Variants in NTRK3 observed in about 807,000 individuals in gnomAD.
NTRK3 encodes the protein NT-3 growth factor receptor.
In NTRK3, 24 loss-of-function variants were observed where a neutral mutation model predicts 91.7. The ratio of observed to expected loss-of-function variants is 0.26; its 90% CI spans 0.19 to 0.37. NTRK3 has a LOEUF of 0.37. NTRK3 is among the 10% of genes least tolerant of loss of function. The probability of loss-of-function intolerance (pLI) is 1.00; values close to 1 mark genes in which losing one functional copy is unlikely to be tolerated. For missense variants in NTRK3, 880 were observed against 1,068.9 expected (o/e 0.82, Z 2.46); for synonymous variants, 483 against 404.0 (o/e 1.20, Z -2.34).
At chr15:88,152,519 A>G (rs980099100) in intron 5 of NTRK3, among the ~76,000 whole-genome samples, 5 of 152,256 alleles carry the variant, frequency 3.3e-5, no homozygotes, top group Non-Finnish European at 5.9e-5. Flanking sequence ...CTACAAGTCA[A>G]GGAGAGAAGC....
chr15:87,926,078 A>G (rs748659526), intron 17 of NTRK3, among the ~76,000 whole-genome samples: 2 of 152,238 alleles, frequency 1.3e-5, no homozygotes, highest in African/African-American at 4.8e-5. Context: ...AGGAAAATGC[A>G]TTCAGGTTAC....
exon 2 of NTRK3, chr15:88,256,378 C>G (rs574469747): frequency 6.4e-6 from 4 of 628,974 alleles, no homozygotes; most frequent in African/African-American, 1.8e-5. Flanking sequence ...GTGGGAGCCG[C>G]GAGGAGCGCC....
At chr15:88,058,820 GGAT>G (rs777878957) in intron 13 of NTRK3, among the ~76,000 whole-genome samples, 21 of 152,244 alleles carry the variant, frequency 1.4e-4, no homozygotes, top group African/African-American at 3.4e-4. Context: ...ATTGCACATG[GGAT>G]GATGATGATG....
At chr15:87,971,708 T>G (rs928719150) in intron 14 of NTRK3, among the ~76,000 whole-genome samples, 2 of 152,120 alleles carry the variant, frequency 1.3e-5, no homozygotes, top group Admixed American at 6.6e-5. Flanking sequence ...CCCGACACGC[T>G]CAAGAACCTA....
rs573858477 is a variant in NTRK3 at position 87,965,132 on chromosome 15, T to C, written c.1586-24379A>G. Reference sequence around the variant, plus strand: ...CGTGGAATGATTTGATTCTGACAAATAAGTACATAAAAAAGATTAGAAGGC... The same window carrying C: ...CGTGGAATGATTTGATTCTGACAAACAAGTACATAAAAAAGATTAGAAGGC... On this transcript the variant is annotated intron_variant, in intron 14 of 18. Transcript: ENST00000394480. Among the ~76,000 whole-genome samples the C allele has an allele frequency of 5.8e-4, 89 of 152,338 alleles. 1 individual carries two copies. The highest frequency in any genetic ancestry group is 6.8e-3 in the Middle Eastern group (2 of 294).
chr15:87,957,071 T>C (rs1190213710), intron 14 of NTRK3, among the ~76,000 whole-genome samples: 3 of 152,158 alleles, frequency 2.0e-5, no homozygotes, highest in Non-Finnish European at 4.4e-5. Context: ...GGAGCCAGAC[T>C]GTCTGGGATC....
intron 16 of NTRK3, chr15:87,931,359 C>T: frequency 2.7e-6 from 1 of 366,692 alleles, no homozygotes; most frequent in Admixed American, 3.7e-5. Context: ...TTAGAAGCTA[C>T]CATGGTTCAC....
At chr15:87,951,050 C>T (rs1442470486) in intron 14 of NTRK3, among the ~76,000 whole-genome samples, 1 of 152,140 alleles carries the variant, frequency 6.6e-6, no homozygotes, top group African/African-American at 2.4e-5. Context: ...TTAAATAGAT[C>T]CAACAGATGG....
At chr15:88,052,203 C>T (rs997093119) in intron 13 of NTRK3, among the ~76,000 whole-genome samples, 10 of 152,122 alleles carry the variant, frequency 6.6e-5, no homozygotes, top group African/African-American at 2.4e-4. Context: ...AAAATAGCTC[C>T]AAGAATAGGA....
intron 13 of NTRK3, among the ~76,000 whole-genome samples, chr15:88,114,258 G>A (rs1226330054): frequency 6.6e-6 from 1 of 151,954 alleles, no homozygotes; most frequent in Non-Finnish European, 1.5e-5. Context: ...TGTTTTTAAG[G>A]TTCAATACAG....
At chr15:87,917,108 A>C (rs939649516) in intron 17 of NTRK3, among the ~76,000 whole-genome samples, 1 of 152,196 alleles carries the variant, frequency 6.6e-6, no homozygotes, top group Admixed American at 6.5e-5. Flanking sequence ...AGTTTTTCTG[A>C]GTCTTATAAT....
intron 3 of NTRK3, among the ~76,000 whole-genome samples, chr15:88,191,615 C>CACACACACGCATGAATGCAT (rs2047399330): frequency 1.3e-5 from 2 of 152,320 alleles, no homozygotes; most frequent in African/African-American, 4.8e-5. Context: ...CATGAATGCA[C>CACACACACGCATGAATGCAT]GTGTGCACAC....
At chr15:88,238,693 A>T (rs1193478258) in intron 3 of NTRK3, among the ~76,000 whole-genome samples, 1 of 152,226 alleles carries the variant, frequency 6.6e-6, no homozygotes, top group Non-Finnish European at 1.5e-5. Context: ...ATGTTTTCAA[A>T]ATATAGCCAT....
intron 14 of NTRK3, among the ~76,000 whole-genome samples, chr15:87,947,609 C>T (rs2142083479): frequency 6.6e-6 from 1 of 152,084 alleles, no homozygotes; most frequent in South Asian, 2.1e-4. Context: ...TTTCCAGGAC[C>T]TCAGGCTCAC....
intron 13 of NTRK3, chr15:88,098,874 G>A (rs540859322): frequency 4.3e-6 from 1 of 232,738 alleles, no homozygotes; most frequent in Admixed American, 5.6e-5. Flanking sequence ...ATACTGTAAT[G>A]TGATATGCTA....
intron 5 of NTRK3, among the ~76,000 whole-genome samples, chr15:88,164,016 T>C (rs1406408897): frequency 6.6e-6 from 1 of 152,200 alleles, no homozygotes. Context: ...GCTCATGCAA[T>C]CATTCAACAC....
intron 17 of NTRK3, among the ~76,000 whole-genome samples, chr15:87,892,579 TA>T (rs1404057585): frequency 2.6e-5 from 4 of 152,200 alleles, no homozygotes; most frequent in African/African-American, 7.2e-5. Context: ...TTGATATGTA[TA>T]TTATTTTGTC....
chr15:88,238,780 T>C (rs1167958249), intron 3 of NTRK3, among the ~76,000 whole-genome samples: 1 of 152,240 alleles, frequency 6.6e-6, no homozygotes, highest in African/African-American at 2.4e-5. Context: ...GTGATTCAGC[T>C]CTTGATTCAA....
chr15:87,966,463 C>T (rs1465089535), intron 14 of NTRK3, among the ~76,000 whole-genome samples: 2 of 152,188 alleles, frequency 1.3e-5, no homozygotes, highest in Non-Finnish European at 2.9e-5. Flanking sequence ...CTTCCACCCC[C>T]ATCTTCCATC....
Sources: gnomAD v4.1 joint callset for allele counts (sites outside exome capture counted in the v4.1 genomes callset) on GRCh38, gnomAD v4.1.1 for gene constraint, MANE v1.5 for transcripts, NCBI Gene and HGNC (gene_info 2026-07-23, HGNC 2026-07-21) for gene names.